Variants in PCBP2 observed in about 807,000 individuals in gnomAD.
The protein encoded by PCBP2 is poly(rC)-binding protein 2.
A neutral mutation model predicts 50.1 loss-of-function variants in PCBP2; 4 were observed. The observed-to-expected ratio is 0.08, with a 90% CI of 0.04 to 0.18. The LOEUF (loss-of-function observed/expected upper bound fraction) is 0.18, where lower values mean the gene tolerates loss of function less well. PCBP2 is among the 10% of genes least tolerant of loss of function. PCBP2 has a pLI of 1.00. For missense variants in PCBP2, 161 were observed against 474.3 expected (o/e 0.34, Z 6.14); for synonymous variants, 179 against 168.0 (o/e 1.07, Z -0.51).
rs1940876421 is a variant in PCBP2 at position 53,454,947 on chromosome 12, C to G, written c.69+78C>G. 2.5e-6 allele frequency: 3 copies of G among 1,195,288 alleles called. No homozygotes were observed. In the Admixed American group the frequency reaches 5.1e-5, roughly 20 times the overall value. The allele number at this position is 1,195,288 out of a possible 1,614,324, so 74.0% of individuals were successfully genotyped here. On this transcript the variant is annotated intron_variant, in intron 2 of 14. Transcript: ENST00000546463. Reference sequence around the variant, plus strand: ...GGAAGAGCAGACATGCATCTTGGAGCTCATCAGATTAGCACTGTGGGGCAT... The same window carrying G: ...GGAAGAGCAGACATGCATCTTGGAGGTCATCAGATTAGCACTGTGGGGCAT...
intron 12 of PCBP2, 117 bp downstream of exon 12, chr12:53,467,960 C>A (rs186452046): frequency 4.7e-6 from 4 of 847,664 alleles, no homozygotes; most frequent in Admixed American, 2.0e-5. Context: ...CAGAGAGGAG[C>A]TGAGAGAGCA....
rs552668815 is a variant in PCBP2, at chr12:53,455,327, G to A, written c.70-20G>A. On this transcript the variant is annotated intron_variant, in intron 2 of 14. Transcript: ENST00000546463. ...TACTTCTGAGTTTCCTCTTACTGAC[G>A]TTAGTTTTCTCCATTGCAGGAAGTT... 18 of 1,610,738 alleles carry A rather than the reference G, an allele frequency of 1.1e-5. No individual in the cohort carries two copies. The highest frequency in any genetic ancestry group is 1.4e-5 in the Non-Finnish European group (17 of 1,177,814).
At chr12:53,476,851 G>C (rs566343724) in intron 14 of PCBP2, among the ~76,000 whole-genome samples, 17 of 152,214 alleles carry the variant, frequency 1.1e-4, no homozygotes, top group Admixed American at 9.1e-4. Flanking sequence ...CCCTTGGTAA[G>C]CTTGCTCCTC....
intron 14 of PCBP2, among the ~76,000 whole-genome samples, chr12:53,476,349 T>C (rs1039980186): frequency 5.9e-5 from 9 of 152,188 alleles, no homozygotes; most frequent in Non-Finnish European, 1.2e-4. Context: ...GGCCCTAAGA[T>C]AATTTAAATT....
At chr12:53,471,318 A>G (rs554985008) in intron 13 of PCBP2, among the ~76,000 whole-genome samples, 1 of 149,636 alleles carries the variant, frequency 6.7e-6, no homozygotes, top group Admixed American at 6.7e-5. Flanking sequence ...GGTGGCTTAT[A>G]CCTGTAATCC....
rs775960677 is a variant in PCBP2 at position 53,467,756 on chromosome 12, T to C, written c.788-49T>C. On this transcript the variant is annotated intron_variant, in intron 11 of 14. Transcript: ENST00000546463. ...TCTGTATAAGGAATAACTTGTCCGA[T>C]AGGGTTAGGATGAGACCACCAAACT... The C allele has an allele frequency of 1.5e-5, 22 of 1,459,134 alleles. No individual in the cohort carries two copies. In the East Asian group the frequency reaches 4.3e-4, roughly 29 times the overall value. 90.4% of individuals were successfully genotyped at this position (1,459,134 alleles called of 1,614,324 possible).
chr12:53,456,847 G>T (rs1022375859), intron 5 of PCBP2, among the ~76,000 whole-genome samples: 1 of 152,072 alleles, frequency 6.6e-6, no homozygotes, highest in Non-Finnish European at 1.5e-5. Context: ...CATCAGTTGG[G>T]CAATTGATAT....
At position 53,455,843 on chromosome 12, in the gene PCBP2, CTTCT is replaced by C. The variant is rs754078034; in HGVS notation, c.127-39_127-36del. ...CTGTAGATCCTGTACATACTCAGAT[CTTCT>C]TTGTTTTAACTTCTTTTGGATCTTG... On this transcript the variant is annotated intron_variant, in intron 4 of 14. Transcript: ENST00000546463. 1.2e-5 allele frequency: 16 copies of C among 1,332,678 alleles called. No homozygotes were observed. In the South Asian group the frequency reaches 1.9e-4, roughly 16 times the overall value. 82.6% of individuals were successfully genotyped at this position (1,332,678 alleles called of 1,614,324 possible). A position where few individuals can be genotyped will look rare whatever the true frequency, so the allele number is the denominator to read the frequency against.
chr12:53,464,920 C>CG, intron 9 of PCBP2, 68 bp downstream of exon 9: 2 of 1,500,822 alleles, frequency 1.3e-6, no homozygotes. Context: ...TGCCAACACA[C>CG]GGGGGGCCAG....
intron 6 of PCBP2, 34 bp from the exon 7 acceptor site, chr12:53,460,981 T>A (rs1941412441): frequency 1.2e-6 from 2 of 1,610,572 alleles, no homozygotes; most frequent in African/African-American, 2.7e-5. Context: ...ATGAACTGTT[T>A]TTCTCTGATT....
rs777226249 is a variant in PCBP2, at chr12:53,471,825, T to A, written c.1052+18T>A. The A allele has an allele frequency of 2.5e-6, 4 of 1,603,636 alleles. No individual in the cohort carries two copies. In the Admixed American group the frequency reaches 6.7e-5, roughly 27 times the overall value. The stretch of plus-strand genomic sequence containing the variant: ...AATGTCAGGTAAGATTGCTCTACCT[T>A]TTGTCTTATTTATGCCAACACAGTA... On this transcript the variant is annotated intron_variant, in intron 14 of 14. Coordinates refer to ENST00000546463, the MANE Select transcript of PCBP2 (RefSeq NM_031989.5).
rs1277544503 is a variant in PCBP2 at position 53,455,869 on chromosome 12, C to T, written c.127-16C>T. 2.0e-6 allele frequency: 3 copies of T among 1,528,740 alleles called. No individual in the cohort carries two copies. The highest frequency in any genetic ancestry group is 1.8e-6 in the Non-Finnish European group (2 of 1,102,682). The allele number at this position is 1,528,740 out of a possible 1,614,324, so 94.7% of individuals were successfully genotyped here. On this transcript the variant is annotated splice_polypyrimidine_tract_variant and intron_variant, in intron 4 of 14. Transcript: ENST00000546463. The stretch of plus-strand genomic sequence containing the variant: ...TTCTTTGTTTTAACTTCTTTTGGAT[C>T]TTGTTTCCTATCTAGAGTGGTGCAC...
intron 5 of PCBP2, 46 bp from the exon 6 acceptor site, chr12:53,459,226 C>G: frequency 6.6e-7 from 1 of 1,524,628 alleles, no homozygotes; most frequent in Non-Finnish European, 8.9e-7. Context: ...ATGGCAGTTA[C>G]TAGTTTCCAG....
At chr12:53,467,629 G>A in intron 11 of PCBP2, 176 bp from the exon 12 acceptor site, 1 of 649,444 alleles carries the variant, frequency 1.5e-6, no homozygotes. Flanking sequence ...CTCTCCACCA[G>A]CAATTCACAG....
chr12:53,468,547 G>A, intron 12 of PCBP2: 1 of 540,080 alleles, frequency 1.9e-6, no homozygotes, highest in Admixed American at 3.5e-5. Context: ...GGGCTTTGCA[G>A]GAAATGGCAT....
intron 14 of PCBP2, chr12:53,475,411 G>T: frequency 1.2e-5 from 4 of 322,002 alleles, no homozygotes; most frequent in African/African-American, 4.4e-5. Flanking sequence ...CCTGTTTCAG[G>T]GTCTGACTTG....
chr12:53,463,324 A>G (rs779281251), intron 8 of PCBP2, among the ~76,000 whole-genome samples: 2 of 152,212 alleles, frequency 1.3e-5, no homozygotes, highest in African/African-American at 4.8e-5. Flanking sequence ...TGGTAGTCCT[A>G]TGCTCTGATT....
intron 14 of PCBP2, among the ~76,000 whole-genome samples, chr12:53,478,015 G>A (rs1351483187): frequency 6.6e-6 from 1 of 152,208 alleles, no homozygotes; most frequent in Non-Finnish European, 1.5e-5. Context: ...AGCATACTGA[G>A]TACTTAAATA....
chr12:53,461,508 T>G (rs1054469090), intron 7 of PCBP2, among the ~76,000 whole-genome samples: 5 of 152,216 alleles, frequency 3.3e-5, no homozygotes, highest in Admixed American at 6.5e-5. Flanking sequence ...GACATGTTCT[T>G]TAACAACTTG....
Sources: allele counts gnomAD v4.1 joint callset (sites outside exome capture counted in the v4.1 genomes callset), GRCh38; gene constraint gnomAD v4.1.1; transcripts MANE v1.5; gene names NCBI Gene and HGNC (gene_info 2026-07-23, HGNC 2026-07-21).